The following DIPK1A variants were observed in gnomAD, a reference collection of about 807,000 sequenced individuals.
DIPK1A encodes family with sequence similarity 69 member A.
In DIPK1A, 27 loss-of-function variants were observed where a neutral mutation model predicts 40.8. The ratio of observed to expected loss-of-function variants is 0.66; its 90% CI spans 0.49 to 0.91. The LOEUF is 0.91. DIPK1A is among the 40% of genes least tolerant of loss of function. DIPK1A has a pLI of 0.00. For missense variants in DIPK1A, 412 were observed against 505.7 expected (o/e 0.81, Z 1.78); for synonymous variants, 166 against 171.3 (o/e 0.97, Z 0.24).
At chr1:92,903,896 C>T (rs1305705418) in intron 1 of DIPK1A, among the ~76,000 whole-genome samples, 1 of 152,178 alleles carries the variant, frequency 6.6e-6, no homozygotes, top group African/African-American at 2.4e-5. Context: ...ACATCACCAA[C>T]ACCTATTTAA....
At chr1:92,915,426 C>T (rs187215392) in intron 1 of DIPK1A, among the ~76,000 whole-genome samples, 149 of 152,240 alleles carry the variant, frequency 9.8e-4, no homozygotes, top group Middle Eastern at 3.4e-3. Flanking sequence ...AAATATATAC[C>T]ATTACCAATC....
rs528099629 is a variant in DIPK1A at position 92,845,107 on chromosome 1, G to A, written c.475-912C>T. Among the ~76,000 whole-genome samples, 3 of 151,418 alleles carry A rather than the reference G, an allele frequency of 2.0e-5. No homozygotes were observed. The East Asian group carries it at 5.8e-4, about 30-fold the overall frequency. ...CTACAGGCGCCTGCCACCACGCCCAGCTAATTTTTTTTTGTATTTTTAGTA... is the reference window on the plus strand; with the variant it reads ...CTACAGGCGCCTGCCACCACGCCCAACTAATTTTTTTTTGTATTTTTAGTA... On this transcript the variant is annotated intron_variant, in intron 4 of 4. Coordinates refer to ENST00000370310, the MANE Select transcript of DIPK1A (RefSeq NM_001006605.5).
Position 92,843,844 on chromosome 1 carries a change from G to A in DIPK1A, c.826C>T (p.Leu276=), listed in dbSNP as rs373169035. The A allele has an allele frequency of 1.3e-6, 2 of 1,551,764 alleles. No individual in the cohort carries two copies. Among genetic ancestry groups the A allele is most frequent in the South Asian group, 1.2e-5 (1 of 84,052 alleles). The change falls in exon 5 of 5, where the codon CTA becomes TTA. Residue 276 remains leucine (L), a synonymous_variant. Coordinates refer to ENST00000370310, the MANE Select transcript of DIPK1A (RefSeq NM_001006605.5). ...PRKAKIAIGL[L]EFVEDVFHGP... is the part of the protein sequence containing the mutation. Reference sequence around the variant, plus strand: ...TGGAAAACATCTTCCACAAATTCTAGAAGTCCTATGGCTATTTTGGCCTTT... The same window carrying A: ...TGGAAAACATCTTCCACAAATTCTAAAAGTCCTATGGCTATTTTGGCCTTT...
At chr1:92,864,814 C>T (rs1476641492) in intron 2 of DIPK1A, among the ~76,000 whole-genome samples, 1 of 151,936 alleles carries the variant, frequency 6.6e-6, no homozygotes, top group Non-Finnish European at 1.5e-5. Flanking sequence ...CCAAGGTGGG[C>T]AGATTACCTG....
chr1:92,884,262 C>A (rs1259455231), intron 1 of DIPK1A, among the ~76,000 whole-genome samples: 2 of 152,012 alleles, frequency 1.3e-5, no homozygotes, highest in Non-Finnish European at 2.9e-5. Flanking sequence ...GCCCAGGCAA[C>A]AAAGTGGGAC....
intron 1 of DIPK1A, among the ~76,000 whole-genome samples, chr1:92,880,864 C>T (rs982986097): frequency 2.3e-5 from 3 of 129,238 alleles, no homozygotes; most frequent in Admixed American, 7.8e-5. Context: ...AGCGAGACTC[C>T]GTCTCCAAAC....
chr1:92,866,172 G>C (rs1345714986), intron 2 of DIPK1A, among the ~76,000 whole-genome samples: 1 of 152,190 alleles, frequency 6.6e-6, no homozygotes, highest in Non-Finnish European at 1.5e-5. Context: ...CGTGATCTCA[G>C]CTCACTGCAG....
At chr1:92,878,118 A>C (rs1485566487) in intron 1 of DIPK1A, among the ~76,000 whole-genome samples, 4 of 152,226 alleles carry the variant, frequency 2.6e-5, no homozygotes, top group Non-Finnish European at 5.9e-5. Flanking sequence ...CACAAGTGAC[A>C]CTTAAGTAAG....
intron 2 of DIPK1A, among the ~76,000 whole-genome samples, chr1:92,855,658 T>C (rs374765349): frequency 2.2e-4 from 34 of 151,334 alleles, no homozygotes; most frequent in Middle Eastern, 3.4e-3. Flanking sequence ...GATCATGCCA[T>C]TGTACTCCAG....
chr1:92,934,624 T>C (rs1650880456), intron 1 of DIPK1A, among the ~76,000 whole-genome samples: 1 of 152,216 alleles, frequency 6.6e-6, no homozygotes, highest in South Asian at 2.1e-4. Flanking sequence ...CCTCTTTTCA[T>C]CTTATTTTGG....
chr1:92,861,006 T>C (rs1302794977), intron 2 of DIPK1A, among the ~76,000 whole-genome samples: 1 of 152,144 alleles, frequency 6.6e-6, no homozygotes, highest in Non-Finnish European at 1.5e-5. Flanking sequence ...ATCGGTGGAT[T>C]CAGTTCCTTC....
chr1:92,893,511 A>G (rs960901651), intron 1 of DIPK1A, among the ~76,000 whole-genome samples: 4 of 152,198 alleles, frequency 2.6e-5, no homozygotes, highest in African/African-American at 9.6e-5. Flanking sequence ...AGCACTAAAC[A>G]TGGAAAGGAA....
chr1:92,905,146 T>A (rs2100827542), intron 1 of DIPK1A, among the ~76,000 whole-genome samples: 1 of 152,316 alleles, frequency 6.6e-6, no homozygotes, highest in East Asian at 1.9e-4. Context: ...ATATACTTAA[T>A]TCCTTTCTTT....
rs147223560 is a variant in DIPK1A, at chr1:92,891,979, G to A, written c.55-15549C>T. ...TGGGGGAGGGGTGCCTGCCATTGCC[G>A]AGGCTTGAGTAGGTAAACAACGCGG... On this transcript the variant is annotated intron_variant, in intron 1 of 4. Coordinates refer to ENST00000370310, the MANE Select transcript of DIPK1A (RefSeq NM_001006605.5). Among the ~76,000 whole-genome samples, 478 of 152,114 alleles carry A rather than the reference G, an allele frequency of 3.1e-3. 7 individuals carry two copies. The highest frequency in any genetic ancestry group is 0.011 in the African/African-American group (460 of 41,422).
At chr1:92,841,613 A>G (rs890352196), downstream of DIPK1A, among the ~76,000 whole-genome samples, 2 of 152,240 alleles carry the variant, frequency 1.3e-5, no homozygotes, top group African/African-American at 4.8e-5. Flanking sequence ...AAGATCATAC[A>G]TAAGTAAATG....
At position 92,842,779 on chromosome 1, in the gene DIPK1A, A is replaced by AT; in HGVS notation, c.*603dup. The AT allele has an allele frequency of 1.0e-6, 1 of 985,460 alleles. No homozygotes were observed. The highest frequency in any genetic ancestry group is 1.2e-6 in the Non-Finnish European group (1 of 829,940). 61.0% of individuals were successfully genotyped at this position (985,460 alleles called of 1,614,324 possible). A position where few individuals can be genotyped will look rare whatever the true frequency, so the allele number is the denominator to read the frequency against. On this transcript the variant is annotated 3_prime_UTR_variant, in exon 5 of 5. Transcript: ENST00000370310. ...CAATAAAATTGGTGTACTGTCAAGTATAAGATTTCTTGAAGTAAGCCACTT... is the reference window on the plus strand; with the variant it reads ...CAATAAAATTGGTGTACTGTCAAGTATTAAGATTTCTTGAAGTAAGCCACTT...
chr1:92,869,441 G>A (rs963619105), intron 2 of DIPK1A, among the ~76,000 whole-genome samples: 2 of 152,098 alleles, frequency 1.3e-5, no homozygotes, highest in African/African-American at 2.4e-5. Context: ...TTACAGATGT[G>A]AGCCACCATG....
At chr1:92,897,928 A>C (rs1443110541) in intron 1 of DIPK1A, among the ~76,000 whole-genome samples, 1 of 152,074 alleles carries the variant, frequency 6.6e-6, no homozygotes, top group African/African-American at 2.4e-5. Context: ...GTGAAACCTT[A>C]TCTCTACTAA....
chr1:92,960,047 GC>G (rs1652011845), intron 1 of DIPK1A, among the ~76,000 whole-genome samples: 1 of 151,514 alleles, frequency 6.6e-6, no homozygotes, highest in African/African-American at 2.4e-5. Flanking sequence ...GAGCCATCGC[GC>G]CTGGCCGGTA....
Sources: gnomAD v4.1 joint callset for allele counts (sites outside exome capture counted in the v4.1 genomes callset) on GRCh38, gnomAD v4.1.1 for gene constraint, MANE v1.5 for transcripts, NCBI Gene and HGNC (gene_info 2026-07-23, HGNC 2026-07-21) for gene names.